Variants in CLNK observed in about 807,000 individuals in gnomAD.
The protein encoded by CLNK is cytokine-dependent hematopoietic cell linker.
Under a neutral mutation model 68.6 loss-of-function variants are expected in CLNK, and 74 were observed. The ratio of observed to expected loss-of-function variants is 1.08; its 90% CI spans 0.89 to 1.31. The LOEUF (loss-of-function observed/expected upper bound fraction) is 1.31, where lower values mean the gene tolerates loss of function less well. Among genes scored for constraint, CLNK ranks in the 50% most tolerant of loss-of-function variants. The pLI is 0.00. For synonymous variants in CLNK, 198 were observed against 172.2 expected (o/e 1.15, Z -1.17); for missense variants, 553 against 515.3 (o/e 1.07, Z -0.71).
chr4:10,505,479 C>G (rs1434566767), intron 17 of CLNK, among the ~76,000 whole-genome samples: 1 of 152,194 alleles, frequency 6.6e-6, no homozygotes, highest in African/African-American at 2.4e-5. Flanking sequence ...ACTGCTATAA[C>G]AAATTACCAT....
chr4:10,727,707 G>C, the CLNK span, among the ~76,000 whole-genome samples: 16 of 152,294 alleles, frequency 1.1e-4, 1 homozygote, highest in African/African-American at 3.9e-4. Flanking sequence ...GAGGGAAGTG[G>C]AGACAGCCAA....
chr4:10,721,574 A>AT, the CLNK span, among the ~76,000 whole-genome samples: 1 of 152,096 alleles, frequency 6.6e-6, no homozygotes, highest in African/African-American at 2.4e-5. Flanking sequence ...ATATTGATAC[A>AT]TTTTCTTCTT....
intron 2 of CLNK, among the ~76,000 whole-genome samples, chr4:10,635,510 T>C (rs1315941277): frequency 5.9e-5 from 9 of 152,208 alleles, no homozygotes; most frequent in Admixed American, 2.0e-4. Flanking sequence ...ACTTAGATAC[T>C]CTCCACCATC....
chr4:10,571,304 TTTG>T (rs1297520240), intron 5 of CLNK, among the ~76,000 whole-genome samples: 2 of 151,504 alleles, frequency 1.3e-5, no homozygotes, highest in Non-Finnish European at 2.9e-5. Context: ...AAAAGTATTT[TTTG>T]TTGTTGTTGT....
chr4:10,713,183 T>G, the CLNK span, among the ~76,000 whole-genome samples: 1 of 152,152 alleles, frequency 6.6e-6, no homozygotes, highest in African/African-American at 2.4e-5. Context: ...ACTGTAAAAG[T>G]GGTGGTCACA....
rs1258186489 is a variant in CLNK at position 10,540,503 on chromosome 4, C to T, written c.593G>A (p.Arg198Lys). 1 of 1,611,254 alleles carries T rather than the reference C, an allele frequency of 6.2e-7. No individual in the cohort carries two copies. Among genetic ancestry groups the T allele is most frequent in the East Asian group, 2.2e-5 (1 of 44,858 alleles). Residue 198 changes from arginine to lysine, a missense_variant, in exon 11 of 19, where the codon AGA becomes AAA. Physicochemically the swap from Arg to Lys is conservative, Grantham distance 26. Coordinates refer to ENST00000226951, the MANE Select transcript of CLNK (RefSeq NM_052964.4). ...SQRHTFPEVQRMPSQISLRDL... is the reference protein window; with the variant it reads ...SQRHTFPEVQKMPSQISLRDL... Reference sequence around the variant, plus strand: ...ATGATGAATCTCTCACCTGGGCATTCTCTGGACTTCTGGAAAGGTGTGTCT... The same window carrying T: ...ATGATGAATCTCTCACCTGGGCATTTTCTGGACTTCTGGAAAGGTGTGTCT...
At chr4:10,511,364 T>A (rs1364451769) in intron 16 of CLNK, among the ~76,000 whole-genome samples, 3 of 152,232 alleles carry the variant, frequency 2.0e-5, no homozygotes, top group Non-Finnish European at 2.9e-5. Flanking sequence ...TCGGCAATAA[T>A]ATAATAAGAT....
At position 10,542,268 on chromosome 4, in the gene CLNK, A is replaced by G. The variant is rs1329257233; in HGVS notation, c.458T>C (p.Val153Ala). ...GATTTCTCTTACCTTGTTCTTTCTTACGGATGCATCTCCTAAAACATAAGA... is the reference window on the plus strand; with the variant it reads ...GATTTCTCTTACCTTGTTCTTTCTTGCGGATGCATCTCCTAAAACATAAGA... Reference protein sequence around the residue: ...RSQNIKGDASVRKNKIPLPPP... With the variant: ...RSQNIKGDASARKNKIPLPPP... Residue 153 changes from valine to alanine, a missense_variant, in exon 9 of 19, where the codon GTA becomes GCA. Transcript: ENST00000226951. 6.5e-7 allele frequency: 1 copy of G among 1,537,592 alleles called. No individual in the cohort carries two copies.
chr4:10,707,876 C>A, the CLNK span, among the ~76,000 whole-genome samples: 1 of 152,136 alleles, frequency 6.6e-6, no homozygotes, highest in East Asian at 1.9e-4. Context: ...GGTAAAGAGG[C>A]GATGATGCCA....
chr4:10,529,152 AG>A (rs1327774105), intron 12 of CLNK, among the ~76,000 whole-genome samples: 3 of 152,212 alleles, frequency 2.0e-5, no homozygotes, highest in Non-Finnish European at 2.9e-5. Context: ...TGCTTTAACC[AG>A]GGGGATGAAA....
chr4:10,707,635 A>T, the CLNK span, among the ~76,000 whole-genome samples: 1 of 152,132 alleles, frequency 6.6e-6, no homozygotes, highest in South Asian at 2.1e-4. Context: ...ATACTTTCTC[A>T]AGACCTTTTG....
the CLNK span, among the ~76,000 whole-genome samples, chr4:10,722,294 C>G: frequency 6.6e-6 from 1 of 152,114 alleles, no homozygotes; most frequent in Non-Finnish European, 1.5e-5. Flanking sequence ...TTGATGACCC[C>G]CAGTATAAAA....
intron 2 of CLNK, among the ~76,000 whole-genome samples, chr4:10,640,299 G>A (rs1481850802): frequency 6.6e-6 from 1 of 152,120 alleles, no homozygotes; most frequent in Non-Finnish European, 1.5e-5. Context: ...CAAGTAGCTG[G>A]GATTATAGGC....
intron 12 of CLNK, among the ~76,000 whole-genome samples, chr4:10,530,334 G>C (rs1393832982): frequency 1.3e-5 from 2 of 152,162 alleles, no homozygotes; most frequent in African/African-American, 4.8e-5. Context: ...TTTGAGCAGA[G>C]GGAGGTAGCA....
chr4:10,518,044 G>T (rs1401341191), intron 15 of CLNK, among the ~76,000 whole-genome samples: 4 of 150,836 alleles, frequency 2.7e-5, no homozygotes, highest in Non-Finnish European at 4.4e-5. Context: ...TTACATTCAA[G>T]TTTTATAACC....
chr4:10,692,676 T>A, the CLNK span, among the ~76,000 whole-genome samples: 1 of 152,232 alleles, frequency 6.6e-6, no homozygotes, highest in Non-Finnish European at 1.5e-5. Flanking sequence ...AGTGGGGTTT[T>A]GTCTCACTTG....
chr4:10,621,966 T>C (rs1003882394), intron 2 of CLNK, among the ~76,000 whole-genome samples: 4 of 152,158 alleles, frequency 2.6e-5, no homozygotes, highest in African/African-American at 9.7e-5. Flanking sequence ...CACCGTTAAG[T>C]GGTTGTCAAA....
At chr4:10,697,556 G>A in the CLNK span, 2 of 152,176 alleles carry the variant, frequency 1.3e-5, no homozygotes, top group Non-Finnish European at 2.9e-5. Context: ...AGAGAGAAAA[G>A]AATTATCACC....
intron 1 of CLNK, among the ~76,000 whole-genome samples, chr4:10,674,584 T>G (rs1724796464): frequency 6.6e-6 from 1 of 152,114 alleles, no homozygotes; most frequent in Non-Finnish European, 1.5e-5. Flanking sequence ...AAATAGTGTG[T>G]GTTGTCTCCC....
Sources: gnomAD v4.1 joint callset for allele counts (sites outside exome capture counted in the v4.1 genomes callset) on GRCh38, gnomAD v4.1.1 for gene constraint, MANE v1.5 for transcripts, NCBI Gene and HGNC (gene_info 2026-07-23, HGNC 2026-07-21) for gene names.